ETNPPL: variants seen among roughly 807,000 people sequenced by gnomAD.
ETNPPL encodes alanine--glyoxylate aminotransferase 2-like 1.
A neutral mutation model predicts 55.5 loss-of-function variants in ETNPPL; 30 were observed. The ratio of observed to expected loss-of-function variants is 0.54; its 90% CI spans 0.40 to 0.73. ETNPPL has a LOEUF of 0.73. Among genes scored for constraint, ETNPPL ranks in the 30% least tolerant of loss-of-function variants. The probability of loss-of-function intolerance (pLI) is 0.00; values close to 1 mark genes in which losing one functional copy is unlikely to be tolerated. For synonymous variants in ETNPPL, 202 were observed against 207.2 expected, an observed-to-expected ratio of 0.98 and a Z score of 0.21; for missense variants, 528 against 607.9, an observed-to-expected ratio of 0.87 and a Z score of 1.38.
chr4:108,742,838 A>C (rs28609525), intron 12 of ETNPPL, among the ~76,000 whole-genome samples: 2,369 of 152,358 alleles, frequency 0.016, 65 homozygotes, highest in African/African-American at 0.054. Context: ...AATGTGTGCC[A>C]ACTTTGCTAA....
Position 108,743,826 on chromosome 4 carries a change from T to G in ETNPPL, c.1334A>C (p.Glu445Ala), listed in dbSNP as rs1728332136. The G allele has an allele frequency of 6.2e-7, 1 of 1,612,150 alleles. No individual in the cohort carries two copies. Among genetic ancestry groups the G allele is most frequent in the Non-Finnish European group, 8.5e-7 (1 of 1,178,292 alleles). The change falls in exon 12 of 13, where the codon GAA becomes GCA. Residue 445 changes from glutamate (E) to alanine (A), a missense_variant. Coordinates refer to ENST00000296486, the MANE Select transcript of ETNPPL (RefSeq NM_031279.4). The part of the protein sequence containing the change: ...VLEEAMGTKT[E>A]SVTSENTPCK... ...TGGAGTATTCTCAGAGGTCACACTTTCGGTTTTGGTTCCCATAGCTTCTTC... is the reference window on the plus strand; with the variant it reads ...TGGAGTATTCTCAGAGGTCACACTTGCGGTTTTGGTTCCCATAGCTTCTTC...
At position 108,747,210 on chromosome 4, in the gene ETNPPL, T is replaced by C. The variant is rs866078986; in HGVS notation, c.1083-359A>G. ...ATATATATATTATATATATATATAA[T>C]ATATATATATATATTATATATATAT... On this transcript the variant is annotated intron_variant, in intron 9 of 12. Coordinates refer to ENST00000296486, the MANE Select transcript of ETNPPL (RefSeq NM_031279.4). 5.9e-4 allele frequency among the ~76,000 whole-genome samples: 3 copies of C among 5,116 alleles called. 1 individual carries two copies. The highest frequency in any genetic ancestry group is 9.5e-4 in the Non-Finnish European group (3 of 3,154). The allele number at this position is 5,116 out of a possible 152,430, so 3.4% of individuals were successfully genotyped here. A position where few individuals can be genotyped will look rare whatever the true frequency, so the allele number is the denominator to read the frequency against.
intron 12 of ETNPPL, 87 bp from the exon 13 acceptor site, chr4:108,742,699 A>G: frequency 6.6e-7 from 1 of 1,508,184 alleles, no homozygotes; most frequent in South Asian, 1.2e-5. Flanking sequence ...ACACACAAAC[A>G]AAGGACACAG....
intron 4 of ETNPPL, 94 bp downstream of exon 4, chr4:108,756,322 CTT>C: frequency 1.2e-6 from 1 of 822,186 alleles, no homozygotes. Flanking sequence ...TATCTGTCCT[CTT>C]TCACATGCGT....
Position 108,760,316 on chromosome 4 carries a change from A to T in ETNPPL, c.57-10T>A. 6.7e-7 allele frequency: 1 copy of T among 1,501,344 alleles called. No individual in the cohort carries two copies. Among genetic ancestry groups the T allele is most frequent in the Non-Finnish European group, 9.3e-7 (1 of 1,079,872 alleles). The allele number at this position is 1,501,344 out of a possible 1,614,324, so 93.0% of individuals were successfully genotyped here. On this transcript the variant is annotated splice_polypyrimidine_tract_variant and intron_variant, in intron 1 of 12. Coordinates refer to ENST00000296486, the MANE Select transcript of ETNPPL (RefSeq NM_031279.4). The stretch of plus-strand genomic sequence containing the variant: ...AACTTTGCATGAGGGCCTAGAAATA[A>T]TCAAAGGAAACACTTTGGTCTGGTA...
intron 2 of ETNPPL, 59 bp downstream of exon 2, chr4:108,760,129 C>T (rs1729438004): frequency 7.7e-7 from 1 of 1,291,210 alleles, no homozygotes; most frequent in South Asian, 1.3e-5. Flanking sequence ...TTAAGTGTTC[C>T]AAGTCAGCTT....
chr4:108,749,017 C>A (rs376905632), intron 8 of ETNPPL, among the ~76,000 whole-genome samples: 19 of 152,076 alleles, frequency 1.2e-4, no homozygotes, highest in East Asian at 1.2e-3. Flanking sequence ...ACCTATGTAA[C>A]AAACCTGCAC....
chr4:108,750,137 G>T (rs10032282), intron 7 of ETNPPL, among the ~76,000 whole-genome samples: 33,563 of 152,066 alleles, frequency 0.22, 6,057 homozygotes, highest in East Asian at 0.48. Flanking sequence ...AGTGTCAACT[G>T]GATTGAATTG....
At position 108,754,623 on chromosome 4, in the gene ETNPPL, ATG is replaced by A; in HGVS notation, c.496_497del (p.His166CysfsTer13). The A allele has an allele frequency of 6.8e-7, 1 of 1,476,918 alleles. No homozygotes were observed. Among genetic ancestry groups the A allele is most frequent in the Non-Finnish European group, 9.5e-7 (1 of 1,057,554 alleles). 91.5% of individuals were successfully genotyped at this position (1,476,918 alleles called of 1,614,324 possible). Reference protein sequence around the residue: ...KGKDVKKEFVHVAPTPDTYRG... With the variant: ...KGKDVKKEFVXVAPTPDTYRG... ...TTTAGGATTTTAAGACACTTACCAC[ATG>A]TACAAATTCTTTTTTGACATCTTTT... On this transcript the variant is annotated frameshift_variant, in exon 5 of 13. Coordinates refer to ENST00000296486, the MANE Select transcript of ETNPPL (RefSeq NM_031279.4). LOFTEE classifies it high-confidence loss of function.
chr4:108,746,636 A>G (rs1728513410), intron 10 of ETNPPL, 107 bp from the exon 11 acceptor site: 5 of 1,468,408 alleles, frequency 3.4e-6, no homozygotes, highest in Non-Finnish European at 4.7e-6. Context: ...TAAGAAGCCC[A>G]CATTATAAAT....
intron 8 of ETNPPL, 110 bp from the exon 9 acceptor site, chr4:108,748,269 T>A: frequency 1.5e-6 from 1 of 654,804 alleles, no homozygotes; most frequent in Non-Finnish European, 2.5e-6. Context: ...ATAATTTAAA[T>A]AAAATGTTCT....
intron 5 of ETNPPL, among the ~76,000 whole-genome samples, chr4:108,753,749 TAAGA>T (rs758544848): frequency 0.057 from 4,348 of 76,626 alleles, 137 homozygotes; most frequent in Non-Finnish European, 0.073. Flanking sequence ...CTCAAATAAA[TAAGA>T]AAGAAAGAAA....
intron 11 of ETNPPL, among the ~76,000 whole-genome samples, 161 bp downstream of exon 11, chr4:108,746,238 T>C (rs929250081): frequency 6.6e-6 from 1 of 152,230 alleles, no homozygotes; most frequent in African/African-American, 2.4e-5. Flanking sequence ...TTTTCAGCTA[T>C]CTTTTTCTAG....
At chr4:108,753,792 GAAAGAAAGAAAGAAAAGAGAAGA>G (rs1729046492) in intron 5 of ETNPPL, among the ~76,000 whole-genome samples, 1 of 102,002 alleles carries the variant, frequency 9.8e-6, no homozygotes, top group Non-Finnish European at 1.8e-5. Flanking sequence ...AAGAAAGAAA[GAAAGAAAGAAAGAAAAGAGAAGA>G]AAAGAAAAGA....
At chr4:108,746,985 C>T (rs955504645) in intron 9 of ETNPPL, 134 bp from the exon 10 acceptor site, 3 of 566,188 alleles carry the variant, frequency 5.3e-6, no homozygotes, top group Non-Finnish European at 9.3e-6. Context: ...AATCTATGTT[C>T]ACAGTTGTTT....
intron 1 of ETNPPL, among the ~76,000 whole-genome samples, chr4:108,761,471 T>C (rs1041930330): frequency 6.6e-6 from 1 of 152,208 alleles, no homozygotes; most frequent in African/African-American, 2.4e-5. Context: ...TGTTAGTTTA[T>C]ACCTACAAGT....
intron 11 of ETNPPL, among the ~76,000 whole-genome samples, chr4:108,745,144 T>A (rs1002227959): frequency 6.6e-6 from 1 of 151,948 alleles, no homozygotes; most frequent in African/African-American, 2.4e-5. Flanking sequence ...CAATGTATGT[T>A]CATAACAAAA....
Position 108,743,834 on chromosome 4 carries a change from G to T in ETNPPL, c.1326C>A (p.Thr442=). The change falls in exon 12 of 13, where the codon ACC becomes ACA. Residue 442 remains threonine (T), a synonymous_variant. Transcript: ENST00000296486. ...ILTVLEEAMG[T]KTESVTSENT... ...TCTCAGAGGTCACACTTTCGGTTTTGGTTCCCATAGCTTCTTCTAAAACTG... is the reference window on the plus strand; with the variant it reads ...TCTCAGAGGTCACACTTTCGGTTTTTGTTCCCATAGCTTCTTCTAAAACTG... 6.2e-7 allele frequency: 1 copy of T among 1,610,064 alleles called. No homozygotes were observed. Among genetic ancestry groups the T allele is most frequent in the Non-Finnish European group, 8.5e-7 (1 of 1,176,574 alleles).
chr4:108,755,581 C>T (rs1459925827), intron 4 of ETNPPL, among the ~76,000 whole-genome samples: 1 of 152,120 alleles, frequency 6.6e-6, no homozygotes, highest in Non-Finnish European at 1.5e-5. Context: ...CTTTGGGGGG[C>T]TGAGGCGGGT....
Sources: allele counts gnomAD v4.1 joint callset (sites outside exome capture counted in the v4.1 genomes callset), GRCh38; gene constraint gnomAD v4.1.1; transcripts MANE v1.5; gene names NCBI Gene and HGNC (gene_info 2026-07-23, HGNC 2026-07-21).